MRPS28: variants seen among roughly 807,000 people sequenced by gnomAD.
MRPS28 encodes small ribosomal subunit protein bS1m.
MRPS28 carries 7 observed loss-of-function variants against 10.8 expected under a neutral mutation model. That is an observed-to-expected ratio of 0.65 (90% CI 0.37 to 1.22). The LOEUF (loss-of-function observed/expected upper bound fraction) is 1.22. MRPS28 is among the 50% of genes most tolerant of loss of function. The pLI is 0.02. For missense variants in MRPS28, 265 were observed against 232.9 expected, an observed-to-expected ratio of 1.14 and a Z score of -0.90; for synonymous variants, 121 against 93.3, an observed-to-expected ratio of 1.30 and a Z score of -1.71.
chr8:79,928,335 T>C (rs1039411383), intron 2 of MRPS28, among the ~76,000 whole-genome samples: 2 of 151,904 alleles, frequency 1.3e-5, no homozygotes, highest in Non-Finnish European at 2.9e-5. Context: ...TGTCTAAAAT[T>C]AAATTAAATT....
intron 1 of MRPS28, among the ~76,000 whole-genome samples, chr8:80,015,823 C>A (rs748866127): frequency 6.6e-6 from 1 of 151,768 alleles, no homozygotes; most frequent in African/African-American, 2.4e-5. Context: ...AAGCAATGTA[C>A]GCAGAAAGAT....
intron 2 of MRPS28, among the ~76,000 whole-genome samples, chr8:79,962,155 AAGG>A (rs900043588): frequency 2.0e-5 from 3 of 152,052 alleles, no homozygotes; most frequent in Non-Finnish European, 2.9e-5. Context: ...TTAAAAAAAA[AAGG>A]AGAAGGGTAA....
intron 2 of MRPS28, among the ~76,000 whole-genome samples, chr8:79,924,087 C>T (rs939499927): frequency 8.5e-5 from 13 of 152,140 alleles, no homozygotes; most frequent in African/African-American, 3.1e-4. Context: ...GATTGAACCT[C>T]GGTATCCAAA....
rs185194897 is a variant in MRPS28, at chr8:79,948,049, G to A, written c.396-28901C>T. On this transcript the variant is annotated intron_variant, in intron 2 of 2. Transcript: ENST00000276585. ...GTCACCCAGGCTGGAGTGCAGTGGC[G>A]CAATCTCGGCTCACTGCAACCTCTA... Among the ~76,000 whole-genome samples, 1,487 of 149,406 alleles carry A rather than the reference G, an allele frequency of 1.0e-2. 12 individuals are homozygous for A. The highest frequency in any genetic ancestry group is 0.014 in the African/African-American group (580 of 40,450).
rs185710448 is a variant in MRPS28, at chr8:80,029,688, G to C, written c.213+348C>G. The C allele has an allele frequency of 1.7e-4, 233 of 1,341,790 alleles. No individual in the cohort carries two copies. The African/African-American group carries it at 3.2e-3, about 18-fold the overall frequency. 83.1% of individuals were successfully genotyped at this position (1,341,790 alleles called of 1,614,324 possible). Reference sequence around the variant, plus strand: ...ACCCAGCAGAGCCCTGCCTCTCCGTGTGAGTCCCATTCTCCTTAGCGTCCC... The same window carrying C: ...ACCCAGCAGAGCCCTGCCTCTCCGTCTGAGTCCCATTCTCCTTAGCGTCCC... On this transcript the variant is annotated intron_variant, in intron 1 of 2. Transcript: ENST00000276585.
At chr8:79,952,627 C>T (rs542356973) in intron 2 of MRPS28, among the ~76,000 whole-genome samples, 94 of 152,240 alleles carry the variant, frequency 6.2e-4, no homozygotes, top group Non-Finnish European at 5.1e-4. Context: ...TTACTACCTA[C>T]CCCCCTACAT....
intron 2 of MRPS28, among the ~76,000 whole-genome samples, chr8:79,994,410 T>C (rs1440043275): frequency 1.3e-5 from 2 of 152,084 alleles, no homozygotes; most frequent in Admixed American, 1.3e-4. Context: ...GGCAATAATA[T>C]CAATAACACA....
chr8:79,918,837 A>G lies in MRPS28; in HGVS notation c.*143T>C. The G allele has an allele frequency of 3.5e-6, 2 of 573,760 alleles. No individual in the cohort carries two copies. The highest frequency in any genetic ancestry group is 3.7e-5 in the East Asian group (1 of 26,936). 35.5% of individuals were successfully genotyped at this position (573,760 alleles called of 1,614,324 possible). A position where few individuals can be genotyped will look rare whatever the true frequency, so the allele number is the denominator to read the frequency against. ...GGGTGGGGGGTGGGAATATTGCTAA[A>G]GAAAATTCTAATAAGAGTTATCTAT... On this transcript the variant is annotated 3_prime_UTR_variant, in exon 3 of 3. Transcript: ENST00000276585.
At chr8:79,966,802 T>C (rs971790278) in intron 2 of MRPS28, among the ~76,000 whole-genome samples, 1 of 152,150 alleles carries the variant, frequency 6.6e-6, no homozygotes, top group Non-Finnish European at 1.5e-5. Flanking sequence ...ATGCTATGTA[T>C]AAAAAAGTGA....
chr8:79,965,630 C>T (rs529667678), intron 2 of MRPS28, among the ~76,000 whole-genome samples: 3 of 152,182 alleles, frequency 2.0e-5, no homozygotes, highest in East Asian at 3.9e-4. Context: ...AAATCCTCAT[C>T]ACTACACAGC....
rs370399881 is a variant in MRPS28, at chr8:80,019,173, A to G, written c.213+10863T>C. 4.6e-5 allele frequency among the ~76,000 whole-genome samples: 7 copies of G among 151,964 alleles called. No homozygotes were observed. The South Asian group carries it at 8.4e-4, about 18-fold the overall frequency. ...TGATAAGCAATAATTATTTAACTGT[A>G]TATTTAAAAATAACTAAAAGAGTTT... On this transcript the variant is annotated intron_variant, in intron 1 of 2. Transcript: ENST00000276585.
At chr8:79,984,862 T>C (rs1047603229) in intron 2 of MRPS28, among the ~76,000 whole-genome samples, 3 of 152,152 alleles carry the variant, frequency 2.0e-5, no homozygotes, top group Admixed American at 6.5e-5. Context: ...ATTAGACAGA[T>C]CAATGAGACA....
chr8:79,944,845 C>A (rs1201850066), intron 2 of MRPS28, among the ~76,000 whole-genome samples: 1 of 151,970 alleles, frequency 6.6e-6, no homozygotes, highest in Non-Finnish European at 1.5e-5. Flanking sequence ...AGGTATGCAC[C>A]ACAATGCCCA....
At chr8:79,981,219 A>C (rs950745011) in intron 2 of MRPS28, among the ~76,000 whole-genome samples, 1 of 152,142 alleles carries the variant, frequency 6.6e-6, no homozygotes, top group Non-Finnish European at 1.5e-5. Context: ...AGTCCCAGCT[A>C]CTTGCAGGGC....
rs773845028 is a variant in MRPS28 at position 80,016,289 on chromosome 8, G to A, written c.214-13109C>T. On this transcript the variant is annotated intron_variant, in intron 1 of 2. Transcript: ENST00000276585. The stretch of plus-strand genomic sequence containing the variant: ...CAAAGATGAAGAAAAAATTCTAAAA[G>A]AAGCTTGGGGGGAAAACAGCTTTCC... Among the ~76,000 whole-genome samples, 3 of 151,868 alleles carry A rather than the reference G, an allele frequency of 2.0e-5. No homozygotes were observed. In the South Asian group the frequency reaches 6.2e-4, roughly 31 times the overall value.
chr8:80,014,892 C>T (rs1809155299), intron 1 of MRPS28, among the ~76,000 whole-genome samples: 1 of 152,168 alleles, frequency 6.6e-6, no homozygotes, highest in African/African-American at 2.4e-5. Flanking sequence ...ATCAACAACT[C>T]TTCTTAGATG....
At chr8:79,998,862 C>T (rs924416651) in intron 2 of MRPS28, among the ~76,000 whole-genome samples, 2 of 151,860 alleles carry the variant, frequency 1.3e-5, no homozygotes. Context: ...TTTTCTGATC[C>T]CTATTAGTTG....
At chr8:79,971,815 A>G (rs1470835749) in intron 2 of MRPS28, among the ~76,000 whole-genome samples, 2 of 152,122 alleles carry the variant, frequency 1.3e-5, no homozygotes. Context: ...CTCCTGCCTC[A>G]GCCTCCTAAG....
intron 2 of MRPS28, among the ~76,000 whole-genome samples, chr8:79,964,551 T>A (rs889704441): frequency 6.6e-6 from 1 of 152,120 alleles, no homozygotes; most frequent in African/African-American, 2.4e-5. Context: ...GGAATTAGAC[T>A]ATGTTCAAAT....
Sources: gnomAD v4.1 joint callset for allele counts (sites outside exome capture counted in the v4.1 genomes callset) on GRCh38, gnomAD v4.1.1 for gene constraint, MANE v1.5 for transcripts, NCBI Gene and HGNC (gene_info 2026-07-23, HGNC 2026-07-21) for gene names.